The following USP6 variants were observed in gnomAD, a reference collection of about 807,000 sequenced individuals.
The protein encoded by USP6 is ubiquitin carboxyl-terminal hydrolase 6.
USP6 carries 128 observed loss-of-function variants against 175.7 expected under a neutral mutation model. The observed-to-expected ratio is 0.73, with a 90% CI of 0.63 to 0.84. The LOEUF is 0.84. USP6 is among the 40% of genes least tolerant of loss of function. USP6 has a pLI of 0.00. For missense variants in USP6, 1,498 were observed against 1,760.3 expected (o/e 0.85, Z 2.67); for synonymous variants, 562 against 630.6 (o/e 0.89, Z 1.63).
chr17:5,170,357 A>T (rs1224755290), intron 35 of USP6, 122 bp from the exon 36 acceptor site: 1 of 1,426,660 alleles, frequency 7.0e-7, no homozygotes. Flanking sequence ...GTAGCCAGTC[A>T]TGACTCCCCT....
rs1419437097 is a variant in USP6, at chr17:5,142,045, A to G, written c.1616A>G (p.Asn539Ser). 6.2e-7 allele frequency: 1 copy of G among 1,613,772 alleles called. No individual in the cohort carries two copies. Among genetic ancestry groups the G allele is most frequent in the Non-Finnish European group, 8.5e-7 (1 of 1,179,850 alleles). The change falls in exon 24 of 38, where the codon AAC (asparagine) becomes AGC (serine). Residue 539 changes from asparagine to serine, a missense_variant. Around this residue, in one of 2 missense-constraint regions of USP6, gnomAD observed 1,217 missense variants for 1,500.8 expected, o/e 0.81. Coordinates refer to ENST00000574788, the MANE Select transcript of USP6 (RefSeq NM_001304284.2). ...KGATGLSNLGNTCFMNSSIQC... is the reference protein window; with the variant it reads ...KGATGLSNLGSTCFMNSSIQC... ...GCCACAGGTCTAAGCAACCTGGGAAACACATGCTTCATGAACTCAAGCATC... is the reference window on the plus strand; with the variant it reads ...GCCACAGGTCTAAGCAACCTGGGAAGCACATGCTTCATGAACTCAAGCATC...
intron 32 of USP6, among the ~76,000 whole-genome samples, chr17:5,162,343 G>T (rs1414449602): frequency 6.6e-6 from 1 of 152,022 alleles, no homozygotes; most frequent in Non-Finnish European, 1.5e-5. Flanking sequence ...GTAGGAATGG[G>T]GTTTTGCCAT....
intron 27 of USP6, 111 bp downstream of exon 27, chr17:5,145,690 C>A: frequency 7.3e-7 from 1 of 1,362,250 alleles, no homozygotes; most frequent in Non-Finnish European, 9.6e-7. Context: ...TGGTAGTCAG[C>A]ATATTATAAT....
Position 5,171,022 on chromosome 17 carries a change from T to G in USP6, c.3954+107T>G, listed in dbSNP as rs1426609002. The G allele has an allele frequency of 3.0e-6, 4 of 1,338,936 alleles. No homozygotes were observed. The African/African-American group carries it at 5.9e-5, about 20-fold the overall frequency. The allele number at this position is 1,338,936 out of a possible 1,614,324, so 82.9% of individuals were successfully genotyped here. ...TCAGGTCCTGCTAATTTCCTAGCAT[T>G]GAGCTTAGTGATAGACAAAGTTAAC... On this transcript the variant is annotated intron_variant, in intron 36 of 37. Coordinates refer to ENST00000574788, the MANE Select transcript of USP6 (RefSeq NM_001304284.2).
chr17:5,144,542 A>G, intron 25 of USP6, 148 bp from the exon 26 acceptor site: 1 of 1,008,400 alleles, frequency 9.9e-7, no homozygotes, highest in African/African-American at 1.7e-5. Context: ...AGATTTCATG[A>G]TTATCCAAAA....
At chr17:5,161,449 A>C in intron 31 of USP6, 79 bp from the exon 32 acceptor site, 10 of 1,449,718 alleles carry the variant, frequency 6.9e-6, no homozygotes, top group Non-Finnish European at 9.6e-6. Flanking sequence ...TCCTAGGATT[A>C]CTTCAAGAGA....
rs567699944 is a variant in USP6, at chr17:5,127,798, A to T, written c.-338+159A>T. On this transcript the variant is annotated intron_variant, in intron 7 of 37. Transcript: ENST00000574788. ...CCCGTATACATTAGACCATCTCTAG[A>T]TTATTCATTATGTGTAATACAATGC... 2.0e-5 allele frequency among the ~76,000 whole-genome samples: 3 copies of T among 152,330 alleles called. No individual in the cohort carries two copies. In the East Asian group the frequency reaches 5.8e-4, roughly 29 times the overall value.
Position 5,133,526 on chromosome 17 carries a change from G to C in USP6, c.360G>C (p.Lys120Asn). 1 of 1,605,460 alleles carries C rather than the reference G, an allele frequency of 6.2e-7. No homozygotes were observed. Among genetic ancestry groups the C allele is most frequent in the Non-Finnish European group, 8.5e-7 (1 of 1,175,808 alleles). The change falls in exon 14 of 38, where the codon AAG (lysine) becomes AAC (asparagine). Residue 120 changes from lysine (K) to asparagine (N), a missense_variant. Lys to Asn is a moderately conservative substitution (Grantham distance 94). Around this residue, in one of 2 missense-constraint regions of USP6, gnomAD observed 281 missense variants for 259.6 expected, o/e 1.08. Transcript: ENST00000574788. The part of the protein sequence containing the change: ...WSVLLNIQEI[K>N]LKNPGRYQIM... ...TCCTCCTGAACATTCAGGAAATCAAGTTGAAAAACCCCGGAAGATACCAGG... is the reference window on the plus strand; with the variant it reads ...TCCTCCTGAACATTCAGGAAATCAACTTGAAAAACCCCGGAAGATACCAGG...
At position 5,121,510 on chromosome 17, in the gene USP6, C is replaced by T. The variant is rs1277355354; in HGVS notation, c.-1539C>T. The T allele has an allele frequency of 9.5e-6, 2 of 210,272 alleles. No individual in the cohort carries two copies. The highest frequency in any genetic ancestry group is 1.9e-5 in the Non-Finnish European group (2 of 103,898). The allele number at this position is 210,272 out of a possible 1,614,324, so 13.0% of individuals were successfully genotyped here. On this transcript the variant is annotated 5_prime_UTR_variant, in exon 4 of 38. Coordinates refer to ENST00000574788, the MANE Select transcript of USP6 (RefSeq NM_001304284.2). Reference sequence around the variant, plus strand: ...GCAAGGTAGGGCCTCTGTCCCCTCCCCACCCTGTACCTATCACCCCAGGGT... The same window carrying T: ...GCAAGGTAGGGCCTCTGTCCCCTCCTCACCCTGTACCTATCACCCCAGGGT...
rs146139696 is a variant in USP6, at chr17:5,161,482, G to T, written c.2829-46G>T. On this transcript the variant is annotated intron_variant, in intron 31 of 37. Coordinates refer to ENST00000574788, the MANE Select transcript of USP6 (RefSeq NM_001304284.2). Reference sequence around the variant, plus strand: ...AGAAGATGAAAAGGAGTTGGACCTCGAACCAGAAATGCTTCTTACACTCTT... The same window carrying T: ...AGAAGATGAAAAGGAGTTGGACCTCTAACCAGAAATGCTTCTTACACTCTT... 5.8e-5 allele frequency: 93 copies of T among 1,600,606 alleles called. No individual in the cohort carries two copies. The Middle Eastern group carries it at 6.7e-4, about 11-fold the overall frequency.
chr17:5,135,210 T>TA, intron 15 of USP6, 24 bp from the exon 16 acceptor site: 1 of 1,611,298 alleles, frequency 6.2e-7, no homozygotes. Context: ...AACCAAACCA[T>TA]AGCCCCCTTT....
intron 35 of USP6, 133 bp from the exon 36 acceptor site, chr17:5,170,346 G>C (rs865988833): frequency 3.7e-6 from 5 of 1,354,480 alleles, no homozygotes; most frequent in African/African-American, 1.5e-5. Context: ...GGAACCAAAG[G>C]GTAGCCAGTC....
rs183293950 is a variant in USP6 at position 5,173,050 on chromosome 17, G to C, written c.*72G>C. 4.8e-3 allele frequency: 7,436 copies of C among 1,550,920 alleles called. 32 individuals carry two copies. Among genetic ancestry groups the C allele is most frequent in the Non-Finnish European group, 5.7e-3 (6,551 of 1,140,702 alleles). On this transcript the variant is annotated 3_prime_UTR_variant, in exon 38 of 38. Transcript: ENST00000574788. ...TCCTTGTAGCTGATACTTGGCAAAA[G>C]TGTCACTGAAAGACAAGCTAAATGT... is the stretch of plus-strand genomic sequence containing the variant.
At chr17:5,126,626 T>G (rs2143791431) in intron 6 of USP6, 1 of 152,372 alleles carries the variant, frequency 6.6e-6, no homozygotes, top group South Asian at 2.1e-4. Context: ...CTCAGCCTCC[T>G]CTGTCTCTCT....
intron 10 of USP6, 70 bp from the exon 11 acceptor site, chr17:5,130,532 G>T (rs1293066474): frequency 6.2e-7 from 1 of 1,611,000 alleles, no homozygotes; most frequent in Non-Finnish European, 8.5e-7. Context: ...GCAGGGACGG[G>T]TGGCCAATAC....
At chr17:5,167,820 T>A in intron 33 of USP6, 112 bp from the exon 34 acceptor site, 1 of 1,312,632 alleles carries the variant, frequency 7.6e-7, no homozygotes. Flanking sequence ...ATTTTCTTTT[T>A]CCTTATAAAG....
At chr17:5,158,219 C>G (rs995660825) in intron 31 of USP6, among the ~76,000 whole-genome samples, 5 of 152,048 alleles carry the variant, frequency 3.3e-5, no homozygotes, top group African/African-American at 1.2e-4. Context: ...GAACTCTGAA[C>G]TGAGTTCATA....
chr17:5,141,322 C>G (rs550005086), intron 22 of USP6, 103 bp from the exon 23 acceptor site: 1 of 1,043,592 alleles, frequency 9.6e-7, no homozygotes, highest in South Asian at 1.5e-5. Flanking sequence ...TTTAAAACTT[C>G]CGATTTAGGA....
rs765124738 is a variant in USP6 at position 5,139,290 on chromosome 17, G to A, written c.1114G>A (p.Val372Met). Residue 372 changes from valine (V) to methionine (M), a missense_variant, in exon 22 of 38, where the codon GTG becomes ATG. Around this residue, in one of 2 missense-constraint regions of USP6, gnomAD observed 1,217 missense variants for 1,500.8 expected, o/e 0.81. Transcript: ENST00000574788. ...GCAAGGGTCCTTGGCACCCAGGCCT[G>A]TGCCGGCTTCACGTGGTGGGAAGAC... ...REQGSLAPRP[V>M]PASRGGKTLC... 13 of 1,606,316 alleles carry A rather than the reference G, an allele frequency of 8.1e-6. No individual in the cohort carries two copies. The Admixed American group carries it at 2.2e-4, about 27-fold the overall frequency.
Sources: gnomAD v4.1 joint callset for allele counts (sites outside exome capture counted in the v4.1 genomes callset) on GRCh38, gnomAD v4.1.1 for gene constraint, gnomAD v4.1.1 regional missense constraint, MANE v1.5 for transcripts, NCBI Gene and HGNC (gene_info 2026-07-23, HGNC 2026-07-21) for gene names.